CCNY: variants seen among roughly 807,000 people sequenced by gnomAD.
The protein encoded by CCNY is cyclin Y, also known as cyclin-Y.
A neutral mutation model predicts 42.8 loss-of-function variants in CCNY; 19 were observed. The observed-to-expected ratio is 0.44, with a 90% confidence interval of 0.31 to 0.65. The LOEUF (loss-of-function observed/expected upper bound fraction) is 0.65, where lower values mean the gene tolerates loss of function less well. Among genes scored for constraint, CCNY ranks in the 30% least tolerant of loss-of-function variants. CCNY has a pLI of 0.07. For synonymous variants in CCNY, 165 were observed against 162.7 expected (o/e 1.01, Z -0.11); for missense variants, 370 against 437.3 (o/e 0.85, Z 1.37).
Position 35,530,082 on chromosome 10 carries a change from C to G in CCNY, c.460-42C>G, listed in dbSNP as rs750022109. 1.9e-6 allele frequency: 3 copies of G among 1,614,096 alleles called. No individual in the cohort carries two copies. The South Asian group carries it at 3.3e-5, about 18-fold the overall frequency. ...ATGATTTAATTATTTCTCTTTTGCT[C>G]CAATCGGGAGATCAGTCATCTGAAA... is the stretch of plus-strand genomic sequence containing the variant. On this transcript the variant is annotated intron_variant, in intron 6 of 9. Coordinates refer to ENST00000374704, the MANE Select transcript of CCNY (RefSeq NM_145012.6). The surrounding 1 kb of genome is among the most constrained non-coding windows in gnomAD (Gnocchi z 4.3).
At chr10:35,259,919 G>A (rs564099265) in intron 3 of CCNY, among the ~76,000 whole-genome samples, 1 of 151,354 alleles carries the variant, frequency 6.6e-6, no homozygotes, top group Admixed American at 6.6e-5. Flanking sequence ...AGGGACCCTG[G>A]GGCATCCCAT....
intron 1 of CCNY, among the ~76,000 whole-genome samples, chr10:35,366,185 T>C (rs1227257589): frequency 6.6e-6 from 1 of 152,244 alleles, no homozygotes; most frequent in Non-Finnish European, 1.5e-5. Context: ...TCTAAAAATA[T>C]CACAGAATTT....
intron 2 of CCNY, among the ~76,000 whole-genome samples, chr10:35,485,553 G>A (rs565167690): frequency 7.2e-5 from 11 of 152,076 alleles, no homozygotes; most frequent in Admixed American, 1.3e-4. Context: ...GTGAAACCCC[G>A]TCTCTACTAA....
chr10:35,460,952 C>T (rs1481215595), intron 1 of CCNY, among the ~76,000 whole-genome samples: 1 of 151,992 alleles, frequency 6.6e-6, no homozygotes. Flanking sequence ...TGGGCTAGGA[C>T]ATCCACTTAT....
intron 1 of CCNY, among the ~76,000 whole-genome samples, chr10:35,426,162 T>A (rs573322325): frequency 1.5e-5 from 2 of 135,020 alleles, no homozygotes; most frequent in South Asian, 2.4e-4. Flanking sequence ...CACACACAGA[T>A]GTGCGTGTGC....
intron 3 of CCNY, among the ~76,000 whole-genome samples, chr10:35,330,204 A>G (rs2135103749): frequency 6.6e-6 from 1 of 152,356 alleles, no homozygotes; most frequent in East Asian, 1.9e-4. Flanking sequence ...GCCAGGGTAT[A>G]TTCAAGGAGC....
intron 3 of CCNY, among the ~76,000 whole-genome samples, chr10:35,321,347 T>C (rs1835820208): frequency 6.6e-6 from 1 of 152,050 alleles, no homozygotes; most frequent in African/African-American, 2.4e-5. Context: ...TTTTCCCAAA[T>C]TGTTCCACAG....
In CCNY at chr10:35,308,106, C is replaced by T. The variant is rs193007180; in HGVS notation, c.-9+57480C>T. On this transcript the variant is annotated intron_variant, in intron 3 of 11. Transcript: ENST00000374706. Reference sequence around the variant, plus strand: ...TGCTGGGATTACAGGCATAAGCCACCGTGCCCGGCCGAGGTAGTAATAATT... The same window carrying T: ...TGCTGGGATTACAGGCATAAGCCACTGTGCCCGGCCGAGGTAGTAATAATT... 6.8e-3 allele frequency among the ~76,000 whole-genome samples: 1,028 copies of T among 151,516 alleles called. 11 individuals are homozygous for T. Among genetic ancestry groups the T allele is most frequent in the African/African-American group, 0.024 (978 of 41,274 alleles).
At chr10:35,254,830 C>CAAA (rs748535872) in intron 3 of CCNY, among the ~76,000 whole-genome samples, 9 of 38,034 alleles carry the variant, frequency 2.4e-4, no homozygotes, top group African/African-American at 5.0e-4. Context: ...GACCCTGTCT[C>CAAA]AAAAAAAAAA....
intron 1 of CCNY, among the ~76,000 whole-genome samples, chr10:35,476,964 A>G (rs1168867727): frequency 6.6e-6 from 1 of 152,100 alleles, no homozygotes; most frequent in Non-Finnish European, 1.5e-5. Flanking sequence ...TATCACCACC[A>G]ATCCCACAGA....
chr10:35,352,688 G>A lies in CCNY; in HGVS notation c.154+15481G>A, dbSNP rs150710567. ...AAGGACATAATGATCTATTAGGTGA[G>A]ACAGATGCAAATAAGGGATTACAAT... is the stretch of plus-strand genomic sequence containing the variant. On this transcript the variant is annotated intron_variant, in intron 1 of 9. Transcript: ENST00000374704. Among the ~76,000 whole-genome samples, 337 of 152,328 alleles carry A rather than the reference G, an allele frequency of 2.2e-3. 4 individuals are homozygous for A. The highest frequency in any genetic ancestry group is 4.2e-3 in the Admixed American group (65 of 15,304).
At chr10:35,531,603 A>G (rs1020181440) in intron 7 of CCNY, among the ~76,000 whole-genome samples, 3 of 152,228 alleles carry the variant, frequency 2.0e-5, no homozygotes, top group African/African-American at 7.2e-5. Flanking sequence ...TGAGATTTTT[A>G]TGTAGGGAAA....
intron 1 of CCNY, among the ~76,000 whole-genome samples, chr10:35,380,423 A>G (rs370649051): frequency 6.6e-6 from 1 of 152,184 alleles, no homozygotes; most frequent in Non-Finnish European, 1.5e-5. Context: ...TTAAAGCCCA[A>G]AGAGACCTTG....
At chr10:35,481,938 AC>A (rs1271311127) in intron 1 of CCNY, among the ~76,000 whole-genome samples, 36 of 152,092 alleles carry the variant, frequency 2.4e-4, no homozygotes, top group African/African-American at 8.0e-4. Flanking sequence ...CTTCCATCAA[AC>A]CCCCTTAATA....
chr10:35,545,708 T>G (rs993891350), intron 7 of CCNY, among the ~76,000 whole-genome samples: 1 of 152,156 alleles, frequency 6.6e-6, no homozygotes, highest in Non-Finnish European at 1.5e-5. Flanking sequence ...ACCAACAGAA[T>G]CGTGTAAGAT....
Position 35,516,514 on chromosome 10 carries a change from G to T in CCNY, c.265-9G>T, listed in dbSNP as rs760562317. 2 of 1,602,102 alleles carry T rather than the reference G, an allele frequency of 1.2e-6. No homozygotes were observed. Among genetic ancestry groups the T allele is most frequent in the Non-Finnish European group, 1.7e-6 (2 of 1,169,586 alleles). On this transcript the variant is annotated splice_polypyrimidine_tract_variant and intron_variant, in intron 3 of 9. Coordinates refer to ENST00000374704, the MANE Select transcript of CCNY (RefSeq NM_145012.6). ...TAATTGCCTTAATCTTCTTGCTGTT[G>T]TTTTCTAGCATCCTCCAGGACAAAT...
intron 7 of CCNY, among the ~76,000 whole-genome samples, chr10:35,540,567 T>TC: frequency 6.6e-6 from 1 of 152,198 alleles, no homozygotes; most frequent in Admixed American, 6.5e-5. Context: ...CCTTCTACTT[T>TC]TTTTTTTTTG....
chr10:35,478,781 T>A (rs1839583817), intron 1 of CCNY, among the ~76,000 whole-genome samples: 1 of 152,076 alleles, frequency 6.6e-6, no homozygotes, highest in Non-Finnish European at 1.5e-5. Context: ...AAGCCAAAAT[T>A]GACAAATGGG....
intron 1 of CCNY, among the ~76,000 whole-genome samples, chr10:35,353,309 T>G (rs1836467777): frequency 6.6e-6 from 1 of 152,202 alleles, no homozygotes; most frequent in Non-Finnish European, 1.5e-5. Flanking sequence ...TGAATTGTGC[T>G]CATTAAGAGG....
Sources: allele counts gnomAD v4.1 joint callset (sites outside exome capture counted in the v4.1 genomes callset), GRCh38; gene constraint gnomAD v4.1.1; non-coding constraint Gnocchi (gnomAD v3.1); transcripts MANE v1.5; gene names NCBI Gene and HGNC (gene_info 2026-07-23, HGNC 2026-07-21).